CCNH: variants seen among roughly 807,000 people sequenced by gnomAD.
CCNH encodes the protein cyclin H.
Under a neutral mutation model 41.9 loss-of-function variants are expected in CCNH, and 31 were observed. That is an observed-to-expected ratio of 0.74 (90% CI 0.56 to 1.00). The LOEUF is 1.00. Ranked by LOEUF, CCNH falls within the 50% of genes least tolerant of loss-of-function variation. The pLI, the probability that CCNH is intolerant of heterozygous loss-of-function variation, is 0.00. For synonymous variants in CCNH, 138 were observed against 136.1 expected (o/e 1.01, Z -0.10); for missense variants, 362 against 388.4 (o/e 0.93, Z 0.57).
At chr5:87,396,577 G>A (rs983200913) in intron 7 of CCNH, among the ~76,000 whole-genome samples, 3 of 151,990 alleles carry the variant, frequency 2.0e-5, no homozygotes, top group African/African-American at 4.8e-5. Flanking sequence ...GTGAGATCAC[G>A]CCACTGCACT....
At chr5:87,328,396 TG>T in intron 9 of CCNH, among the ~76,000 whole-genome samples, 1 of 152,184 alleles carries the variant, frequency 6.6e-6, no homozygotes, top group Non-Finnish European at 1.5e-5. Flanking sequence ...GCTTTGACTG[TG>T]AAGACTTAAG....
upstream of CCNH, chr5:87,380,484 T>G: frequency 1.9e-6 from 3 of 1,575,564 alleles, no homozygotes; most frequent in Non-Finnish European, 2.6e-6. Context: ...CTTTCTGTGT[T>G]GAGATGATTG....
chr5:87,383,919 C>CCCTT (rs758567236), intron 9 of CCNH: 59 of 750,742 alleles, frequency 7.9e-5, no homozygotes, highest in Non-Finnish European at 1.2e-4. Context: ...TTCCAAAGCA[C>CCCTT]CCTTCCTTCC....
At chr5:87,374,062 T>G, downstream of CCNH, 7 of 1,037,786 alleles carry the variant, frequency 6.7e-6, no homozygotes, top group Non-Finnish European at 8.6e-6. Flanking sequence ...GGAAAATAAG[T>G]CATTATTTTT....
upstream of CCNH, among the ~76,000 whole-genome samples, chr5:87,381,073 C>A (rs1286763607): frequency 6.6e-6 from 1 of 152,078 alleles, no homozygotes; most frequent in African/African-American, 2.4e-5. Flanking sequence ...ACTGCTTTGG[C>A]AAATCATGGA....
intron 9 of CCNH, among the ~76,000 whole-genome samples, chr5:87,342,449 G>A (rs1434912991): frequency 4.0e-4 from 61 of 152,292 alleles, no homozygotes; most frequent in Non-Finnish European, 1.5e-5. Flanking sequence ...ATGAGCCACT[G>A]TGCCCAGCTA....
At chr5:87,311,888 GC>G in the CCNH span, among the ~76,000 whole-genome samples, 6 of 152,222 alleles carry the variant, frequency 3.9e-5, no homozygotes, top group African/African-American at 1.4e-4. Context: ...CTCTTATTAA[GC>G]AGGATATTTC....
At chr5:87,409,629 C>CGTGTGTGTGTGTGTGTGTGTGTGT (rs71610500) in intron 2 of CCNH, among the ~76,000 whole-genome samples, 7 of 145,990 alleles carry the variant, frequency 4.8e-5, no homozygotes, top group African/African-American at 7.6e-5. Flanking sequence ...TTTAAAAATA[C>CGTGTGTGTGTGTGTGTGTGTGTGT]GTGTGTGTGT....
chr5:87,380,299 A>G (rs578023361), upstream of CCNH, among the ~76,000 whole-genome samples: 12 of 152,162 alleles, frequency 7.9e-5, no homozygotes, highest in Admixed American at 2.6e-4. Context: ...AATGTCAGGA[A>G]GTTGACTGAA....
downstream of CCNH, among the ~76,000 whole-genome samples, chr5:87,317,745 C>T (rs750027072): frequency 6.6e-6 from 1 of 151,884 alleles, no homozygotes; most frequent in Non-Finnish European, 1.5e-5. Flanking sequence ...AATTAATTCT[C>T]ATGCCTCAGC....
At chr5:87,400,772 A>G (rs1170212737) in intron 6 of CCNH, among the ~76,000 whole-genome samples, 1 of 152,226 alleles carries the variant, frequency 6.6e-6, no homozygotes, top group South Asian at 2.1e-4. Flanking sequence ...AACAAGAACA[A>G]TTTACACAAG....
intron 9 of CCNH, among the ~76,000 whole-genome samples, chr5:87,355,975 T>C (rs1013060984): frequency 2.0e-5 from 3 of 152,210 alleles, no homozygotes; most frequent in African/African-American, 7.2e-5. Context: ...ACTTTTGTGA[T>C]GAAACTGGAG....
chr5:87,312,135 A>T, the CCNH span, among the ~76,000 whole-genome samples: 1 of 152,272 alleles, frequency 6.6e-6, no homozygotes, highest in Non-Finnish European at 1.5e-5. Context: ...AGTAAATGAT[A>T]GACCAGTGGA....
intron 9 of CCNH, among the ~76,000 whole-genome samples, chr5:87,352,923 A>G (rs1462399808): frequency 6.6e-6 from 1 of 151,910 alleles, no homozygotes; most frequent in Non-Finnish European, 1.5e-5. Context: ...CTTGATGGGT[A>G]TGGAAAATCA....
At chr5:87,321,268 C>G (rs1474618828) in intron 9 of CCNH, among the ~76,000 whole-genome samples, 1 of 152,188 alleles carries the variant, frequency 6.6e-6, no homozygotes, top group East Asian at 1.9e-4. Flanking sequence ...CCACAACAAT[C>G]AACACAGAGG....
intron 9 of CCNH, among the ~76,000 whole-genome samples, chr5:87,345,836 A>G (rs1372101556): frequency 1.3e-5 from 2 of 152,142 alleles, no homozygotes; most frequent in East Asian, 3.8e-4. Context: ...AGAAGATCCC[A>G]CAAAGTAGTA....
downstream of CCNH, chr5:87,392,394 C>T (rs192963366): frequency 6.6e-6 from 3 of 454,940 alleles, no homozygotes; most frequent in Non-Finnish European, 1.3e-5. Context: ...TACCAAAAAT[C>T]TCAACATGTC....
intron 7 of CCNH, 23 bp from the exon 8 acceptor site, chr5:87,395,127 A>G (rs1406140844): frequency 6.2e-7 from 1 of 1,600,498 alleles, no homozygotes; most frequent in South Asian, 1.1e-5. Context: ...AACTATCAAT[A>G]AGCAATCCAA....
At chr5:87,394,755 GT>G in intron 8 of CCNH, 1 of 1,336,856 alleles carries the variant, frequency 7.5e-7, no homozygotes, top group Non-Finnish European at 9.5e-7. Context: ...TTAAAAGGGG[GT>G]AAGGGAAAAA....
Sources: allele counts gnomAD v4.1 joint callset (sites outside exome capture counted in the v4.1 genomes callset), GRCh38; gene constraint gnomAD v4.1.1; transcripts MANE v1.5; gene names NCBI Gene and HGNC (gene_info 2026-07-23, HGNC 2026-07-21).